The following RGS8 variants were observed in gnomAD, a reference collection of about 807,000 sequenced individuals.
The protein encoded by RGS8 is regulator of G protein signaling 8.
A neutral mutation model predicts 21.7 loss-of-function variants in RGS8; 8 were observed. That is an observed-to-expected ratio of 0.37 (90% CI 0.22 to 0.66). The LOEUF (loss-of-function observed/expected upper bound fraction) is 0.66. Among genes scored for constraint, RGS8 ranks in the 30% least tolerant of loss-of-function variants. The probability of loss-of-function intolerance (pLI) is 0.59; values close to 1 mark genes in which losing one functional copy is unlikely to be tolerated. For missense variants in RGS8, 157 were observed against 217.9 expected, an observed-to-expected ratio of 0.72 and a Z score of 1.76; for synonymous variants, 80 against 83.6, an observed-to-expected ratio of 0.96 and a Z score of 0.24.
At chr1:182,665,085 C>A (rs921946011) in intron 5 of RGS8, among the ~76,000 whole-genome samples, 21 of 152,222 alleles carry the variant, frequency 1.4e-4, no homozygotes, top group African/African-American at 5.1e-4. Flanking sequence ...CTACTCCAAA[C>A]TAAAAGCAGC....
At chr1:182,720,500 C>A in the RGS8 span, among the ~76,000 whole-genome samples, 1 of 152,144 alleles carries the variant, frequency 6.6e-6, no homozygotes, top group African/African-American at 2.4e-5. Flanking sequence ...ATCATCCATT[C>A]ATTCCCCACT....
At chr1:182,718,175 G>GAATATCT in the RGS8 span, among the ~76,000 whole-genome samples, 2 of 152,278 alleles carry the variant, frequency 1.3e-5, no homozygotes, top group African/African-American at 4.8e-5. Context: ...GAGAGAGTTG[G>GAATATCT]AATATCTAGG....
chr1:182,670,696 A>G (rs1198515776), intron 2 of RGS8, among the ~76,000 whole-genome samples: 1 of 152,234 alleles, frequency 6.6e-6, no homozygotes, highest in Non-Finnish European at 1.5e-5. Context: ...CTATTTCACA[A>G]GTACTTTTTA....
At chr1:182,671,009 C>G (rs917524410) in intron 2 of RGS8, among the ~76,000 whole-genome samples, 1 of 152,114 alleles carries the variant, frequency 6.6e-6, no homozygotes, top group African/African-American at 2.4e-5. Flanking sequence ...CTTTATTATC[C>G]TAGAGCCAAG....
the RGS8 span, among the ~76,000 whole-genome samples, chr1:182,723,516 G>GAA: frequency 6.6e-6 from 1 of 152,214 alleles, no homozygotes; most frequent in African/African-American, 2.4e-5. Context: ...AAGAGAGAGA[G>GAA]AACAAACTAG....
At chr1:182,672,109 C>G, upstream of RGS8, 1 of 246,192 alleles carries the variant, frequency 4.1e-6, no homozygotes, top group Non-Finnish European at 7.8e-6. Flanking sequence ...CACCCAGAGG[C>G]TGTGCGGGGG....
At chr1:182,670,233 G>A (rs1171875826) in intron 2 of RGS8, among the ~76,000 whole-genome samples, 2 of 152,216 alleles carry the variant, frequency 1.3e-5, no homozygotes, top group Non-Finnish European at 2.9e-5. Flanking sequence ...GAGGGAGGTT[G>A]GAGGAACTCC....
the RGS8 span, among the ~76,000 whole-genome samples, chr1:182,741,366 C>T: frequency 7.9e-6 from 1 of 126,370 alleles, no homozygotes; most frequent in South Asian, 2.7e-4. Context: ...GGGGCTGAAC[C>T]CCCCACCTCC....
At chr1:182,724,201 G>GATATATATATATATAT in the RGS8 span, among the ~76,000 whole-genome samples, 16 of 42,106 alleles carry the variant, frequency 3.8e-4, no homozygotes, top group Non-Finnish European at 6.7e-4. Context: ...GGCTAGACTG[G>GATATATATATATATAT]ATATATATAT....
intron 5 of RGS8, among the ~76,000 whole-genome samples, chr1:182,655,074 T>G (rs1245307643): frequency 6.6e-6 from 1 of 152,214 alleles, no homozygotes; most frequent in Admixed American, 6.5e-5. Context: ...GGCACATCTA[T>G]AGCTTAGGTC....
chr1:182,692,759 T>A, the RGS8 span, among the ~76,000 whole-genome samples: 1 of 147,754 alleles, frequency 6.8e-6, no homozygotes, highest in Non-Finnish European at 1.5e-5. Flanking sequence ...TAAAACAGCA[T>A]GGTCCTGGTA....
chr1:182,646,693 G>A, exon 7 of RGS8: 1 of 1,543,810 alleles, frequency 6.5e-7, no homozygotes, highest in Non-Finnish European at 8.8e-7. Context: ...GGCAGCAAGT[G>A]GAGGGGAAAG....
the RGS8 span, among the ~76,000 whole-genome samples, chr1:182,746,393 G>A: frequency 1.3e-5 from 2 of 152,168 alleles, no homozygotes; most frequent in Non-Finnish European, 2.9e-5. Flanking sequence ...CAGGTGGGGT[G>A]CAGTGGCTCA....
chr1:182,669,291 C>T (rs1664034643), intron 3 of RGS8, among the ~76,000 whole-genome samples: 1 of 152,198 alleles, frequency 6.6e-6, no homozygotes. Context: ...CTCCTTTCTA[C>T]AGCCCCATCC....
At chr1:182,642,755 A>C (rs1662522076), downstream of RGS8, 1 of 152,226 alleles carries the variant, frequency 6.6e-6, no homozygotes, top group Non-Finnish European at 1.5e-5. Context: ...CCGGAGATTA[A>C]AATCAACTAG....
chr1:182,670,992 C>T (rs973474026), intron 2 of RGS8, among the ~76,000 whole-genome samples: 1 of 152,170 alleles, frequency 6.6e-6, no homozygotes, highest in Non-Finnish European at 1.5e-5. Context: ...GAAACTCATG[C>T]AGGGACCTTT....
chr1:182,699,475 C>G, the RGS8 span, among the ~76,000 whole-genome samples: 5 of 152,354 alleles, frequency 3.3e-5, no homozygotes, highest in South Asian at 1.0e-3. Flanking sequence ...AGGCCCAAGG[C>G]CTTTCCTAAC....
At chr1:182,723,011 T>C in the RGS8 span, among the ~76,000 whole-genome samples, 1 of 150,830 alleles carries the variant, frequency 6.6e-6, no homozygotes, top group Non-Finnish European at 1.5e-5. Context: ...TAAAAATAAA[T>C]AAATAAATAA....
chr1:182,716,133 T>TTG, the RGS8 span, among the ~76,000 whole-genome samples: 1 of 151,558 alleles, frequency 6.6e-6, no homozygotes. Flanking sequence ...TTGGTTTTTT[T>TTG]TTTTTTCCTA....
Sources: allele counts gnomAD v4.1 joint callset (sites outside exome capture counted in the v4.1 genomes callset), GRCh38; gene constraint gnomAD v4.1.1; transcripts MANE v1.5; gene names NCBI Gene and HGNC (gene_info 2026-07-23, HGNC 2026-07-21).